The following SPTBN5 variants were observed in gnomAD, a reference collection of about 807,000 sequenced individuals.
The protein encoded by SPTBN5 is spectrin beta, non-erythrocytic 5.
In SPTBN5, 513 loss-of-function variants were observed where a neutral mutation model predicts 477.6. The observed-to-expected ratio is 1.07, with a 90% CI of 1.00 to 1.16. The LOEUF is 1.16. Among genes scored for constraint, SPTBN5 ranks in the 50% most tolerant of loss-of-function variants. The probability of loss-of-function intolerance (pLI) is 0.00; values close to 1 mark genes in which losing one functional copy is unlikely to be tolerated. For synonymous variants in SPTBN5, 2,169 were observed against 2,011.7 expected, an observed-to-expected ratio of 1.08 and a Z score of -2.09; for missense variants, 5,062 against 4,731.8, an observed-to-expected ratio of 1.07 and a Z score of -2.05.
At chr15:41,852,393 C>T (rs1259538837) in intron 61 of SPTBN5, 77 bp from the exon 62 acceptor site, 2 of 1,482,490 alleles carry the variant, frequency 1.3e-6, no homozygotes, top group Admixed American at 4.5e-5. Context: ...GTCTACCTCC[C>T]CTCCCCCAGC....
At position 41,882,375 on chromosome 15, in the gene SPTBN5, G is replaced by A; in HGVS notation, c.2141C>T (p.Pro714Leu). 2 of 1,537,040 alleles carry A rather than the reference G, an allele frequency of 1.3e-6. No individual in the cohort carries two copies. The highest frequency in any genetic ancestry group is 1.7e-6 in the Non-Finnish European group (2 of 1,147,268). The change falls in exon 11 of 68, where the codon CCG (proline) becomes CTG (leucine). Residue 714 changes from proline (P) to leucine (L), a missense_variant. By Grantham distance (98) the Pro-to-Leu change is moderately conservative. Transcript: ENST00000320955. ...GGCCTCTGCCCGTTCCCCGGGATCC[G>A]GCTGCGTTGGGGGCCTGCGGGCGCT... ...DLSARRPPTQ[P>L]DPGERAEAVQ...
Position 41,854,870 on chromosome 15 carries a change from G to C in SPTBN5, c.9530C>G (p.Pro3177Arg). Residue 3177 changes from proline (P) to arginine (R), a missense_variant, in exon 56 of 68, where the codon CCC becomes CGC. Pro to Arg is a moderately radical substitution (Grantham distance 103). Transcript: ENST00000320955. The part of the protein sequence containing the change: ...KLAGTLERGA[P>R]RRYPHIQAQR... The stretch of plus-strand genomic sequence containing the variant: ...GGCTTGGATGTGGGGATAGCGCCTG[G>C]GTGCACCCCGCTCCAGGGTGCCTGC... 5 of 1,609,466 alleles carry C rather than the reference G, an allele frequency of 3.1e-6. No homozygotes were observed. The highest frequency in any genetic ancestry group is 8.5e-7 in the Non-Finnish European group (1 of 1,177,784).
At chr15:41,870,044 G>A in intron 31 of SPTBN5, 24 bp from the exon 32 acceptor site, 1 of 1,465,588 alleles carries the variant, frequency 6.8e-7, no homozygotes, top group Non-Finnish European at 9.0e-7. Context: ...AGGGAATAGG[G>A]AGGCAAGGGT....
Position 41,870,387 on chromosome 15 carries a change from T to G in SPTBN5, c.5563-34A>C, listed in dbSNP as rs757557372. On this transcript the variant is annotated intron_variant, in intron 30 of 67. Coordinates refer to ENST00000320955, the MANE Select transcript of SPTBN5 (RefSeq NM_016642.4). ...GGGAGAATGCCGAGGAGATGAGGGA[T>G]GGAGCGTGGGCACTGAGCCTGGAGT... 6.9e-5 allele frequency: 111 copies of G among 1,602,284 alleles called. 1 individual carries two copies. In the South Asian group the frequency reaches 1.2e-3, roughly 18 times the overall value.
At position 41,857,032 on chromosome 15, in the gene SPTBN5, T is replaced by C; in HGVS notation, c.8629A>G (p.Ser2877Gly). The change falls in exon 52 of 68, where the codon AGC becomes GGC. Residue 2877 changes from serine to glycine, a missense_variant. Coordinates refer to ENST00000320955, the MANE Select transcript of SPTBN5 (RefSeq NM_016642.4). The stretch of plus-strand genomic sequence containing the variant: ...CGCTCCTGCAGGGGCTCCCTCAGGC[T>C]CTTGAACCTGCAGCGGTGGAGGGTG... ...QARRLLQRFK[S>G]LREPLQERRT... The C allele has an allele frequency of 6.2e-7, 1 of 1,602,492 alleles. No individual in the cohort carries two copies. Among genetic ancestry groups the C allele is most frequent in the Admixed American group, 1.7e-5 (1 of 58,610 alleles).
In SPTBN5 at chr15:41,887,962, C is replaced by G. The variant is rs781397942; in HGVS notation, c.625G>C (p.Gly209Arg). Reference sequence around the variant, plus strand: ...TGGATGAGGGCATTGAAGCCCAGCCCATCGCTCCAGCTTCGGGAGAAATCT... The same window carrying G: ...TGGATGAGGGCATTGAAGCCCAGCCGATCGCTCCAGCTTCGGGAGAAATCT... ...ITDFSRSWSD[G>R]LGFNALIHAH... The change falls in exon 5 of 68, where the codon GGG becomes CGG. Residue 209 changes from glycine to arginine, a missense_variant. Coordinates refer to ENST00000320955, the MANE Select transcript of SPTBN5 (RefSeq NM_016642.4). 5.6e-6 allele frequency: 9 copies of G among 1,609,288 alleles called. No homozygotes were observed. The highest frequency in any genetic ancestry group is 7.6e-6 in the Non-Finnish European group (9 of 1,178,224).
At chr15:41,882,959 T>C (rs1485992040) in intron 9 of SPTBN5, 37 bp downstream of exon 9, 3 of 1,516,520 alleles carry the variant, frequency 2.0e-6, no homozygotes, top group Non-Finnish European at 2.7e-6. Context: ...TACAGAAAAG[T>C]TCTGGGAAAG....
In SPTBN5 at chr15:41,856,432, C is replaced by G; in HGVS notation, c.8975G>C (p.Arg2992Pro). Residue 2992 changes from arginine to proline, a missense_variant, in exon 53 of 68, where the codon CGG becomes CCG. By Grantham distance (103) the Arg-to-Pro change is moderately radical. Coordinates refer to ENST00000320955, the MANE Select transcript of SPTBN5 (RefSeq NM_016642.4). ...CTCCTGAGCCTGCTGCAGCAGAAGC[C>G]GCCTCCGCGCCGCCTCTGCCCGCAG... ...AHLRAEAARR[R>P]LLLQQAQEAQ... The G allele has an allele frequency of 6.3e-7, 1 of 1,592,726 alleles. No individual in the cohort carries two copies. Among genetic ancestry groups the G allele is most frequent in the Non-Finnish European group, 8.6e-7 (1 of 1,169,058 alleles).
chr15:41,852,812 A>AC lies in SPTBN5; in HGVS notation c.10347+11dup, dbSNP rs2065815418. On this transcript the variant is annotated intron_variant, in intron 60 of 67. Transcript: ENST00000320955. ...GCCTGGTAGCCAGCTAAGGGGCAGGACCCCCACTCACCCCATAGTCGGGCT... is the reference window on the plus strand; with the variant it reads ...GCCTGGTAGCCAGCTAAGGGGCAGGACCCCCCACTCACCCCATAGTCGGGCT... 6.2e-7 allele frequency: 1 copy of AC among 1,608,218 alleles called. No homozygotes were observed. Among genetic ancestry groups the AC allele is most frequent in the Admixed American group, 1.7e-5 (1 of 59,738 alleles).
chr15:41,867,685 A>C, intron 34 of SPTBN5, 43 bp from the exon 35 acceptor site: 1 of 1,581,884 alleles, frequency 6.3e-7, no homozygotes, highest in Non-Finnish European at 8.7e-7. Context: ...CCTTCCAGCC[A>C]GCCAGCCCCT....
intron 33 of SPTBN5, 42 bp downstream of exon 33, chr15:41,868,356 G>C (rs773637429): frequency 1.3e-6 from 2 of 1,577,644 alleles, no homozygotes; most frequent in South Asian, 1.1e-5. Flanking sequence ...GCACAGGCTT[G>C]GTCAGCTAGG....
chr15:41,885,336 T>C (rs1266603663), intron 7 of SPTBN5, among the ~76,000 whole-genome samples: 1 of 152,182 alleles, frequency 6.6e-6, no homozygotes, highest in Non-Finnish European at 1.5e-5. Flanking sequence ...TCCTTTATTA[T>C]TATTATTTTT....
Position 41,860,500 on chromosome 15 carries a change from G to A in SPTBN5, c.7988+86C>T, listed in dbSNP as rs933794011. 9.2e-6 allele frequency: 12 copies of A among 1,300,396 alleles called. No homozygotes were observed. The East Asian group carries it at 3.4e-4, about 37-fold the overall frequency. The allele number at this position is 1,300,396 out of a possible 1,614,324, so 80.6% of individuals were successfully genotyped here. On this transcript the variant is annotated intron_variant, in intron 47 of 67. Transcript: ENST00000320955. ...AAGGCTGGTGAGCCTGGGCCAAGTA[G>A]TGGAAGGGTGGGAAGGGAAGAACCG...
chr15:41,866,345 T>C lies in SPTBN5; in HGVS notation c.6629A>G (p.Lys2210Arg). 1.3e-6 allele frequency: 2 copies of C among 1,590,360 alleles called. No homozygotes were observed. The highest frequency in any genetic ancestry group is 1.7e-6 in the Non-Finnish European group (2 of 1,168,150). The change falls in exon 37 of 68, where the codon AAG (lysine) becomes AGG (arginine). Residue 2210 changes from lysine to arginine, a missense_variant and splice_region_variant. Lys to Arg is a conservative substitution (Grantham distance 26). Transcript: ENST00000320955. ...AHEEVMTSVAKKGEALLAQSH... is the reference protein window; with the variant it reads ...AHEEVMTSVARKGEALLAQSH... ...TGGGGCTGAGGGCCCGGTTGTTACCTTGGCAACAGAGGTCATGACCTCCTC... is the reference window on the plus strand; with the variant it reads ...TGGGGCTGAGGGCCCGGTTGTTACCCTGGCAACAGAGGTCATGACCTCCTC...
At chr15:41,880,520 G>A (rs1301594944) in intron 13 of SPTBN5, among the ~76,000 whole-genome samples, 1 of 152,214 alleles carries the variant, frequency 6.6e-6, no homozygotes, top group Non-Finnish European at 1.5e-5. Context: ...AGGGCTTAGG[G>A]AAGGGTAAAG....
Position 41,874,414 on chromosome 15 carries a change from G to A in SPTBN5, c.4567C>T (p.His1523Tyr). 1.9e-6 allele frequency: 3 copies of A among 1,613,570 alleles called. No homozygotes were observed. The highest frequency in any genetic ancestry group is 1.1e-5 in the South Asian group (1 of 91,076). Residue 1523 changes from histidine (H) to tyrosine (Y), a missense_variant, in exon 24 of 68, where the codon CAC becomes TAC. By Grantham distance (83) the His-to-Tyr change is moderately conservative. Transcript: ENST00000320955. ...ATGTTGCTCAGGTGGCAGAACTGGTGCAGCTCCACTGAGGCCTGCAGCTGC... is the reference window on the plus strand; with the variant it reads ...ATGTTGCTCAGGTGGCAGAACTGGTACAGCTCCACTGAGGCCTGCAGCTGC... ...GLQLQASVEL[H>Y]QFCHLSNMEL...
In SPTBN5 at chr15:41,866,966, G is replaced by T. The variant is rs778125670; in HGVS notation, c.6473C>A (p.Ala2158Glu). Residue 2158 changes from alanine to glutamate, a missense_variant, in exon 36 of 68, where the codon GCA becomes GAA. Transcript: ENST00000320955. ...SLLMASFTQA[A>E]TQAEDWIQAW... Reference sequence around the variant, plus strand: ...CTGGGGGTGCCCTCTGACCTGGGTTGCGGCCTGGGTGAAGCTGGCCATCAG... The same window carrying T: ...CTGGGGGTGCCCTCTGACCTGGGTTTCGGCCTGGGTGAAGCTGGCCATCAG... The T allele has an allele frequency of 6.4e-6, 10 of 1,574,564 alleles. 1 individual carries two copies. The Admixed American group carries it at 9.1e-5, about 14-fold the overall frequency.
Position 41,875,033 on chromosome 15 carries a change from C to A in SPTBN5, c.4311G>T (p.Gln1437His). 6.2e-7 allele frequency: 1 copy of A among 1,612,192 alleles called. No homozygotes were observed. The highest frequency in any genetic ancestry group is 8.5e-7 in the Non-Finnish European group (1 of 1,179,026). The stretch of plus-strand genomic sequence containing the variant: ...CCGAGCTCTGTAGGGCCCCTTCGAG[C>A]TGCTCCAGCTGCTCCTTTGCATCCT... ...QLQDAKEQLE[Q>H]LEGALQSSET... Residue 1437 changes from glutamine to histidine, a missense_variant, in exon 23 of 68, where the codon CAG (glutamine) becomes CAT (histidine). By Grantham distance (24) the Gln-to-His change is conservative (BLOSUM62 0). Coordinates refer to ENST00000320955, the MANE Select transcript of SPTBN5 (RefSeq NM_016642.4).
chr15:41,862,197 T>C lies in SPTBN5; in HGVS notation c.7481A>G (p.Asp2494Gly). 1 of 1,610,582 alleles carries C rather than the reference T, an allele frequency of 6.2e-7. No homozygotes were observed. Among genetic ancestry groups the C allele is most frequent in the Non-Finnish European group, 8.5e-7 (1 of 1,178,446 alleles). The change falls in exon 44 of 68, where the codon GAC becomes GGC. Residue 2494 changes from aspartate to glycine, a missense_variant. Coordinates refer to ENST00000320955, the MANE Select transcript of SPTBN5 (RefSeq NM_016642.4). ...AGGGCTGCGAGGAGCGGGGCTCGTG[T>C]CCATCTGAGCCCGCAGCCTCTGGGC... ...VSAQRLRAQM[D>G]TSPAPRSPVE...
Sources: allele counts gnomAD v4.1 joint callset (sites outside exome capture counted in the v4.1 genomes callset), GRCh38; gene constraint gnomAD v4.1.1; transcripts MANE v1.5; gene names NCBI Gene and HGNC (gene_info 2026-07-23, HGNC 2026-07-21).